NAALAD2: variants seen among roughly 807,000 people sequenced by gnomAD.
The protein encoded by NAALAD2 is N-acetylated-alpha-linked acidic dipeptidase 2.
Under a neutral mutation model 95.6 loss-of-function variants are expected in NAALAD2, and 89 were observed. The ratio of observed to expected loss-of-function variants is 0.93; its 90% CI spans 0.78 to 1.11. The LOEUF is 1.11. NAALAD2 is among the 50% of genes least tolerant of loss of function. The probability of loss-of-function intolerance (pLI) is 0.00; values close to 1 mark genes in which losing one functional copy is unlikely to be tolerated. For synonymous variants in NAALAD2, 264 were observed against 294.4 expected, an observed-to-expected ratio of 0.90 and a Z score of 1.06; for missense variants, 894 against 872.4, an observed-to-expected ratio of 1.02 and a Z score of -0.31.
In NAALAD2 at chr11:90,192,223, A is replaced by ATGT. The variant is rs1857349562; in HGVS notation, c.*477_*479dup. ...CAACTTAAAAGCGTAAAAACCCCAA[A>ATGT]TGTCCATCCACAGACGAATGTATAA... On this transcript the variant is annotated 3_prime_UTR_variant, in exon 19 of 19. Transcript: ENST00000534061. 1 of 152,076 alleles carries ATGT rather than the reference A, an allele frequency of 6.6e-6. No homozygotes were observed. Among genetic ancestry groups the ATGT allele is most frequent in the Non-Finnish European group, 1.5e-5 (1 of 67,934 alleles). The allele number at this position is 152,076 out of a possible 1,614,324, so 9.4% of individuals were successfully genotyped here. A position where few individuals can be genotyped will look rare whatever the true frequency, so the allele number is the denominator to read the frequency against.
intron 11 of NAALAD2, 123 bp downstream of exon 11, chr11:90,163,740 C>G: frequency 1.1e-6 from 1 of 931,194 alleles, no homozygotes. Context: ...GAGAATGACT[C>G]AAGACAATTT....
In NAALAD2 at chr11:90,175,955, T is replaced by TGTGTGTGTG; in HGVS notation, c.1503-17_1503-16insGTGTGTGTG. ...GTGTGTGTGTGTGTGTGTGTGTGGATTGCATTCTACATCTAGAATCAATAA... is the reference window on the plus strand; with the variant it reads ...GTGTGTGTGTGTGTGTGTGTGTGGATGTGTGTGTGTGCATTCTACATCTAGAATCAATAA... On this transcript the variant is annotated splice_polypyrimidine_tract_variant and intron_variant, in intron 14 of 18. Coordinates refer to ENST00000534061, the MANE Select transcript of NAALAD2 (RefSeq NM_005467.4). 3 of 1,507,894 alleles carry TGTGTGTGTG rather than the reference T, an allele frequency of 2.0e-6. No homozygotes were observed. Among genetic ancestry groups the TGTGTGTGTG allele is most frequent in the Non-Finnish European group, 2.8e-6 (3 of 1,083,106 alleles). 93.4% of individuals were successfully genotyped at this position (1,507,894 alleles called of 1,614,324 possible).
chr11:90,167,770 C>T (rs955133384), intron 11 of NAALAD2, among the ~76,000 whole-genome samples: 1 of 152,172 alleles, frequency 6.6e-6, no homozygotes, highest in African/African-American at 2.4e-5. Context: ...TCTAGCTAAT[C>T]TAGTGGGGAC....
chr11:90,178,251 A>C lies in NAALAD2; in HGVS notation c.1858+134A>C, dbSNP rs112548910. 80 of 988,284 alleles carry C rather than the reference A, an allele frequency of 8.1e-5. 3 individuals are homozygous for C. In the African/African-American group the frequency reaches 9.8e-4, roughly 12 times the overall value. The allele number at this position is 988,284 out of a possible 1,614,324, so 61.2% of individuals were successfully genotyped here. On this transcript the variant is annotated intron_variant, in intron 16 of 18. Transcript: ENST00000534061. ...TTACTTATTTTGACTTCTACACAAA[A>C]ACTTAAAACAAACACCTATTAAAGA...
At chr11:90,179,050 T>C (rs1952889765) in intron 16 of NAALAD2, among the ~76,000 whole-genome samples, 1 of 152,214 alleles carries the variant, frequency 6.6e-6, no homozygotes, top group Non-Finnish European at 1.5e-5. Context: ...AACTTCTCTA[T>C]GTGTTAGCTT....
At chr11:90,191,022 C>T (rs372847766) in intron 18 of NAALAD2, among the ~76,000 whole-genome samples, 145 of 152,158 alleles carry the variant, frequency 9.5e-4, no homozygotes, top group African/African-American at 3.4e-3. Flanking sequence ...AGTGTCTTTG[C>T]GGGCAACCCA....
intron 7 of NAALAD2, 135 bp from the exon 8 acceptor site, chr11:90,159,104 T>C: frequency 4.3e-6 from 3 of 703,092 alleles, no homozygotes; most frequent in Non-Finnish European, 7.3e-6. Context: ...AGGGCGGGCT[T>C]TTTGACAGTA....
At chr11:90,157,993 A>T in intron 6 of NAALAD2, 152 bp from the exon 7 acceptor site, 1 of 589,762 alleles carries the variant, frequency 1.7e-6, no homozygotes, top group South Asian at 2.0e-5. Context: ...TGCTGGGATG[A>T]CAGGTGTGAG....
chr11:90,167,032 A>G (rs1307495417), intron 11 of NAALAD2, among the ~76,000 whole-genome samples: 1 of 152,190 alleles, frequency 6.6e-6, no homozygotes, highest in African/African-American at 2.4e-5. Context: ...AGGTGACAGC[A>G]TGCTGGCAGC....
rs528652901 is a variant in NAALAD2 at position 90,162,883 on chromosome 11, T to A, written c.990-66T>A. On this transcript the variant is annotated intron_variant, in intron 8 of 18. Transcript: ENST00000534061. ...AAACACTATTATGAAAATAGTTTTT[T>A]ATAATAAAACACTGTAAAAAACATA... 3.3e-6 allele frequency: 3 copies of A among 917,760 alleles called. No individual in the cohort carries two copies. The African/African-American group carries it at 5.1e-5, about 16-fold the overall frequency. 56.9% of individuals were successfully genotyped at this position (917,760 alleles called of 1,614,324 possible).
At chr11:90,190,192 T>G (rs1857280821) in intron 18 of NAALAD2, among the ~76,000 whole-genome samples, 2 of 95,514 alleles carry the variant, frequency 2.1e-5, no homozygotes, top group South Asian at 9.2e-4. Context: ...CATCCAACAT[T>G]TGATTCTCAC....
intron 13 of NAALAD2, among the ~76,000 whole-genome samples, chr11:90,171,343 T>G (rs1478676313): frequency 6.6e-6 from 1 of 152,198 alleles, no homozygotes; most frequent in Admixed American, 6.5e-5. Flanking sequence ...AAAACTAGTT[T>G]TCCAAATGAA....
intron 2 of NAALAD2, 36 bp from the exon 3 acceptor site, chr11:90,147,294 T>A: frequency 6.5e-7 from 1 of 1,533,468 alleles, no homozygotes; most frequent in Non-Finnish European, 9.0e-7. Flanking sequence ...CTGAGCATAG[T>A]CTTTAATGCC....
intron 6 of NAALAD2, among the ~76,000 whole-genome samples, chr11:90,155,385 C>T (rs1340584396): frequency 7.5e-5 from 5 of 66,456 alleles, no homozygotes; most frequent in Non-Finnish European, 1.0e-4. Context: ...ACATATTATA[C>T]ATGTAATATA....
chr11:90,163,927 A>T (rs888734697), intron 11 of NAALAD2: 2 of 458,650 alleles, frequency 4.4e-6, no homozygotes, highest in Non-Finnish European at 7.6e-6. Flanking sequence ...GATATTTTTG[A>T]TGATAATTTA....
At chr11:90,172,315 C>T (rs975835348) in intron 13 of NAALAD2, among the ~76,000 whole-genome samples, 12 of 152,100 alleles carry the variant, frequency 7.9e-5, no homozygotes, top group Non-Finnish European at 1.3e-4. Flanking sequence ...CATAAAATAT[C>T]ATCTCATTCA....
At chr11:90,186,662 T>C (rs1451300706) in intron 18 of NAALAD2, among the ~76,000 whole-genome samples, 91 of 150,002 alleles carry the variant, frequency 6.1e-4, no homozygotes, top group African/African-American at 2.2e-3. Flanking sequence ...TTACACCTTA[T>C]ACAAAAATCA....
upstream of NAALAD2, among the ~76,000 whole-genome samples, chr11:90,132,554 T>A (rs902614175): frequency 2.0e-5 from 3 of 152,192 alleles, no homozygotes; most frequent in African/African-American, 7.2e-5. Context: ...TGTTTATATG[T>A]ACAAAAATAA....
At position 90,134,671 on chromosome 11, in the gene NAALAD2, C is replaced by A; in HGVS notation, c.-88C>A. 1 of 1,346,206 alleles carries A rather than the reference C, an allele frequency of 7.4e-7. No homozygotes were observed. Among genetic ancestry groups the A allele is most frequent in the Non-Finnish European group, 1.1e-6 (1 of 944,390 alleles). 83.4% of individuals were successfully genotyped at this position (1,346,206 alleles called of 1,614,324 possible). On this transcript the variant is annotated 5_prime_UTR_variant, in exon 1 of 19. Transcript: ENST00000534061. ...GTCAGCGGAGGCCACCCAGAGCTCACAGCCTCCTGCCAGCGCGCTCTCTGT... is the reference window on the plus strand; with the variant it reads ...GTCAGCGGAGGCCACCCAGAGCTCAAAGCCTCCTGCCAGCGCGCTCTCTGT...
Sources: gnomAD v4.1 joint callset for allele counts (sites outside exome capture counted in the v4.1 genomes callset) on GRCh38, gnomAD v4.1.1 for gene constraint, MANE v1.5 for transcripts, NCBI Gene and HGNC (gene_info 2026-07-23, HGNC 2026-07-21) for gene names.